The following PLK1 variants were observed in gnomAD, a reference collection of about 807,000 sequenced individuals.
PLK1 encodes polo like kinase 1.
A neutral mutation model predicts 56.7 loss-of-function variants in PLK1; 6 were observed. The ratio of observed to expected loss-of-function variants is 0.11; its 90% CI spans 0.06 to 0.21. The LOEUF is 0.21. Ranked by LOEUF, PLK1 falls within the 10% of genes least tolerant of loss-of-function variation. The pLI, the probability that PLK1 is intolerant of heterozygous loss-of-function variation, is 1.00. For missense variants in PLK1, 546 were observed against 814.4 expected, an observed-to-expected ratio of 0.67 and a Z score of 4.01; for synonymous variants, 298 against 325.0, an observed-to-expected ratio of 0.92 and a Z score of 0.89.
rs771295313 is a variant in PLK1 at position 23,687,950 on chromosome 16, G to A, written c.1192+326G>A. ...AGGGCTTTCTCCCTGGTCCTGGCAC[G>A]AAAGCACTTCTTCCAGACACCACAT... is the stretch of plus-strand genomic sequence containing the variant. On this transcript the variant is annotated intron_variant, in intron 6 of 9. Coordinates refer to ENST00000300093, the MANE Select transcript of PLK1 (RefSeq NM_005030.6). 1.7e-4 allele frequency: 31 copies of A among 178,156 alleles called. 1 individual carries two copies. The highest frequency in any genetic ancestry group is 4.3e-3 in the Middle Eastern group (2 of 466). 11.0% of individuals were successfully genotyped at this position (178,156 alleles called of 1,614,324 possible).
In PLK1 at chr16:23,679,454, G is replaced by C. The variant is rs974345476; in HGVS notation, c.408+114G>C. The C allele has an allele frequency of 6.8e-6, 7 of 1,028,642 alleles. No homozygotes were observed. The African/African-American group carries it at 9.6e-5, about 14-fold the overall frequency. The allele number at this position is 1,028,642 out of a possible 1,614,324, so 63.7% of individuals were successfully genotyped here. On this transcript the variant is annotated intron_variant, in intron 1 of 9. Transcript: ENST00000300093. ...GAGAGCCTGGGACTTGGAGCTGCTA[G>C]AGAAGGGTGCTGGGAGCCTCCCGCT... is the stretch of plus-strand genomic sequence containing the variant.
rs1284983963 is a variant in PLK1, at chr16:23,683,378, AG to A, written c.817-491del. 1.3e-5 allele frequency among the ~76,000 whole-genome samples: 2 copies of A among 152,190 alleles called. 1 individual carries two copies. Among genetic ancestry groups the A allele is most frequent in the Non-Finnish European group, 2.9e-5 (2 of 68,022 alleles). On this transcript the variant is annotated intron_variant, in intron 4 of 9. Coordinates refer to ENST00000300093, the MANE Select transcript of PLK1 (RefSeq NM_005030.6). ...GAAGCCTAGCACACAGCCAGTTTGA[AG>A]TGTAGTGTCCTTGTGTGAAGCCAGG...
chr16:23,679,153 A>G lies in PLK1; in HGVS notation c.221A>G (p.Asp74Gly). 1 of 1,613,206 alleles carries G rather than the reference A, an allele frequency of 6.2e-7. No individual in the cohort carries two copies. Among genetic ancestry groups the G allele is most frequent in the Non-Finnish European group, 8.5e-7 (1 of 1,179,428 alleles). Residue 74 changes from aspartate (D) to glycine (G), a missense_variant, in exon 1 of 10, where the codon GAC (aspartate) becomes GGC (glycine). This residue lies in a region of PLK1 where 111 missense variants were observed against 211.8 expected (regional missense o/e 0.52). Transcript: ENST00000300093. Reference protein sequence around the residue: ...FAKCFEISDADTKEVFAGKIV... With the variant: ...FAKCFEISDAGTKEVFAGKIV... ...AAGTGCTTCGAGATCTCGGACGCGG[A>G]CACCAAGGAGGTGTTCGCGGGCAAG...
chr16:23,679,381 A>G, intron 1 of PLK1, 41 bp downstream of exon 1: 1 of 1,575,368 alleles, frequency 6.3e-7, no homozygotes. Context: ...CCTGCGGGGC[A>G]GTTGGAGCGC....
Position 23,687,719 on chromosome 16 carries a change from C to G in PLK1, c.1192+95C>G, listed in dbSNP as rs1959451929. ...GCCAACAAAGCACTGGTGACTTGTT[C>G]AGGCCCTGTCTGCATAGGACCATTG... On this transcript the variant is annotated intron_variant, in intron 6 of 9. Transcript: ENST00000300093. 15 of 876,982 alleles carry G rather than the reference C, an allele frequency of 1.7e-5. No homozygotes were observed. In the East Asian group the frequency reaches 3.7e-4, roughly 21 times the overall value. The allele number at this position is 876,982 out of a possible 1,614,324, so 54.3% of individuals were successfully genotyped here.
Position 23,681,074 on chromosome 16 carries a change from T to C in PLK1, c.722+16T>C, listed in dbSNP as rs1959323930. The C allele has an allele frequency of 1.2e-6, 2 of 1,610,896 alleles. No homozygotes were observed. Among genetic ancestry groups the C allele is most frequent in the African/African-American group, 2.7e-5 (2 of 74,926 alleles). ...GGTGTATCATGTAAGTTGGGAGTTG[T>C]CTCTGGACCAACCTGGTCTCAGCAG... is the stretch of plus-strand genomic sequence containing the variant. On this transcript the variant is annotated intron_variant, in intron 3 of 9. Transcript: ENST00000300093.
chr16:23,686,263 TCA>T (rs1340817073), intron 5 of PLK1, among the ~76,000 whole-genome samples: 1 of 152,206 alleles, frequency 6.6e-6, no homozygotes, highest in African/African-American at 2.4e-5. Context: ...ACTCCTGAGC[TCA>T]AGTGATCCTC....
rs745339383 is a variant in PLK1, at chr16:23,687,636, G to A, written c.1192+12G>A. ...GCTGGTCAGGCAAGGTGGGTACTGC[G>A]GGGCCCTGGGCGGGGCAGGATTGCT... On this transcript the variant is annotated intron_variant, in intron 6 of 9. Coordinates refer to ENST00000300093, the MANE Select transcript of PLK1 (RefSeq NM_005030.6). 12 of 1,544,812 alleles carry A rather than the reference G, an allele frequency of 7.8e-6. No individual in the cohort carries two copies. The highest frequency in any genetic ancestry group is 4.1e-5 in the African/African-American group (3 of 72,882).
chr16:23,678,891 A>G lies in PLK1; in HGVS notation c.-42A>G, dbSNP rs933445026. The G allele has an allele frequency of 7.0e-6, 10 of 1,429,632 alleles. No homozygotes were observed. The highest frequency in any genetic ancestry group is 9.2e-6 in the Non-Finnish European group (10 of 1,084,956). 88.6% of individuals were successfully genotyped at this position (1,429,632 alleles called of 1,614,324 possible). ...TTCGGGGAGGAGCGGAGCGGTGCGG[A>G]GGCTCTGCTCGGATCGAGGTCTGCA... On this transcript the variant is annotated 5_prime_UTR_variant, in exon 1 of 10. Transcript: ENST00000300093.
chr16:23,687,770 G>A, intron 6 of PLK1, 146 bp downstream of exon 6: 2 of 508,246 alleles, frequency 3.9e-6, no homozygotes, highest in Non-Finnish European at 6.4e-6. Flanking sequence ...GATATCCAAG[G>A]CCCTGCTTCC....
At chr16:23,679,956 G>A in intron 1 of PLK1, 128 bp from the exon 2 acceptor site, 1 of 639,752 alleles carries the variant, frequency 1.6e-6, no homozygotes, top group South Asian at 1.9e-5. Flanking sequence ...AACCCACCAA[G>A]ACCCCTCTTT....
chr16:23,689,846 C>T lies in PLK1; in HGVS notation c.1609-14C>T. On this transcript the variant is annotated splice_polypyrimidine_tract_variant and intron_variant, in intron 9 of 9. Transcript: ENST00000300093. The surrounding 1 kb of genome is among the most constrained non-coding windows in gnomAD (Gnocchi z 4.8). ...CCTCTGGGATCGCCAACCCCTGCTG[C>T]TCTTCTCTTGCAGGATCACACCAAG... The T allele has an allele frequency of 6.2e-7, 1 of 1,610,090 alleles. No individual in the cohort carries two copies. Among genetic ancestry groups the T allele is most frequent in the South Asian group, 1.1e-5 (1 of 91,018 alleles).
At position 23,679,752 on chromosome 16, in the gene PLK1, G is replaced by A. The variant is rs1353624592; in HGVS notation, c.409-332G>A. 1.0e-5 allele frequency: 3 copies of A among 294,904 alleles called. No homozygotes were observed. In the South Asian group the frequency reaches 2.2e-4, roughly 22 times the overall value. The allele number at this position is 294,904 out of a possible 1,614,324, so 18.3% of individuals were successfully genotyped here. On this transcript the variant is annotated intron_variant, in intron 1 of 9. Coordinates refer to ENST00000300093, the MANE Select transcript of PLK1 (RefSeq NM_005030.6). Reference sequence around the variant, plus strand: ...GAGCCAGACTTCGGGCCTTCCGGGGGAGATACGAGTCAGGAAAGGGATCTG... The same window carrying A: ...GAGCCAGACTTCGGGCCTTCCGGGGAAGATACGAGTCAGGAAAGGGATCTG...
intron 3 of PLK1, among the ~76,000 whole-genome samples, chr16:23,681,569 C>T (rs1195268688): frequency 6.6e-6 from 1 of 152,200 alleles, no homozygotes; most frequent in East Asian, 1.9e-4. Flanking sequence ...TGGTGGCAGG[C>T]AGAGGCTTGG....
rs1476473248 is a variant in PLK1, at chr16:23,687,595, A to C, written c.1163A>C (p.Lys388Thr). 6.3e-7 allele frequency: 1 copy of C among 1,595,702 alleles called. No individual in the cohort carries two copies. The highest frequency in any genetic ancestry group is 1.1e-5 in the South Asian group (1 of 88,870). ...CAGCTGCACAGTGTCAATGCCTCCA[A>C]GCCCTCGGAGCGTGGGCTGGTCAGG... is the stretch of plus-strand genomic sequence containing the variant. ...LQQLHSVNAS[K>T]PSERGLVRQE... Residue 388 changes from lysine (K) to threonine (T), a missense_variant, in exon 6 of 10, where the codon AAG becomes ACG. By Grantham distance (78) the Lys-to-Thr change is moderately conservative (BLOSUM62 -1). Coordinates refer to ENST00000300093, the MANE Select transcript of PLK1 (RefSeq NM_005030.6).
At chr16:23,685,434 A>G (rs1199150092) in intron 5 of PLK1, among the ~76,000 whole-genome samples, 6 of 152,042 alleles carry the variant, frequency 3.9e-5, no homozygotes, top group South Asian at 4.1e-4. Context: ...ATGTGCCACC[A>G]TACCCAGCTA....
chr16:23,686,292 C>G (rs1351475119), intron 5 of PLK1, among the ~76,000 whole-genome samples: 1 of 151,926 alleles, frequency 6.6e-6, no homozygotes, highest in Non-Finnish European at 1.5e-5. Context: ...CAGACTCCTA[C>G]TTTTTTTCTT....
In PLK1 at chr16:23,688,710, G is replaced by A; in HGVS notation, c.1235G>A (p.Ser412Asn). The A allele has an allele frequency of 6.2e-7, 1 of 1,614,006 alleles. No homozygotes were observed. Among genetic ancestry groups the A allele is most frequent in the Non-Finnish European group, 8.5e-7 (1 of 1,179,816 alleles). ...DPACIPIFWV[S>N]KWVDYSDKYG... is the part of the protein sequence containing the mutation. ...GCCTGCATCCCCATCTTCTGGGTCA[G>A]CAAGTGGGTGGACTATTCGGACAAG... The change falls in exon 7 of 10, where the codon AGC (serine) becomes AAC (asparagine). Residue 412 changes from serine to asparagine, a missense_variant. Ser to Asn is a conservative substitution (Grantham distance 46, BLOSUM62 1). Transcript: ENST00000300093.
chr16:23,688,861 C>T, intron 7 of PLK1, 116 bp downstream of exon 7: 1 of 750,144 alleles, frequency 1.3e-6, no homozygotes, highest in Non-Finnish European at 2.4e-6. Context: ...CCTCCTCTCT[C>T]CATCCCAGGC....
Sources: gnomAD v4.1 joint callset for allele counts (sites outside exome capture counted in the v4.1 genomes callset) on GRCh38, gnomAD v4.1.1 for gene constraint, gnomAD v4.1.1 regional missense constraint, Gnocchi (gnomAD v3.1) non-coding constraint, MANE v1.5 for transcripts, NCBI Gene and HGNC (gene_info 2026-07-23, HGNC 2026-07-21) for gene names.